Variants in PSIP1 observed in about 807,000 individuals in gnomAD.
PSIP1 encodes PC4 and SFRS1-interacting protein.
In PSIP1, 19 loss-of-function variants were observed where a neutral mutation model predicts 74.7. That is an observed-to-expected ratio of 0.25 (90% confidence interval 0.18 to 0.37). PSIP1 has a LOEUF of 0.37. Ranked by LOEUF, PSIP1 falls within the 10% of genes least tolerant of loss-of-function variation. PSIP1 has a pLI of 1.00. For missense variants in PSIP1, 601 were observed against 614.3 expected (o/e 0.98, Z 0.23); for synonymous variants, 222 against 195.3 (o/e 1.14, Z -1.14).
rs2035733403 is a variant in PSIP1, at chr9:15,468,859, A to G, written c.1207-16T>C. 1.2e-6 allele frequency: 2 copies of G among 1,607,274 alleles called. No individual in the cohort carries two copies. The highest frequency in any genetic ancestry group is 1.3e-5 in the African/African-American group (1 of 74,854). On this transcript the variant is annotated splice_polypyrimidine_tract_variant and intron_variant, in intron 13 of 15. Transcript: ENST00000380733. ...ATCGCCGTATCTGAGAAAACAATAT[A>G]CATTCATCATAATTGTTTTCCTAAT...
chr9:15,497,499 A>C (rs771020661), intron 3 of PSIP1, among the ~76,000 whole-genome samples: 2 of 151,812 alleles, frequency 1.3e-5, no homozygotes, highest in Admixed American at 6.6e-5. Flanking sequence ...GCTACTTTTT[A>C]TATTTTTAGT....
At chr9:15,471,869 CA>C in intron 10 of PSIP1, 1 of 981,418 alleles carries the variant, frequency 1.0e-6, no homozygotes, top group Non-Finnish European at 1.2e-6. Context: ...AAAACAACAA[CA>C]AAAAAACAAA....
intron 6 of PSIP1, among the ~76,000 whole-genome samples, chr9:15,483,426 C>T (rs62571007): frequency 6.6e-5 from 10 of 150,874 alleles, no homozygotes; most frequent in Admixed American, 5.9e-4. Flanking sequence ...TCCCATCTCT[C>T]GTCTACACCA....
intron 2 of PSIP1, among the ~76,000 whole-genome samples, chr9:15,507,706 A>G (rs1433468876): frequency 6.6e-6 from 1 of 152,228 alleles, no homozygotes; most frequent in Middle Eastern, 3.2e-3. Flanking sequence ...ATAATTTCAA[A>G]AACACTTCAA....
chr9:15,488,342 C>A (rs907417975), intron 4 of PSIP1, among the ~76,000 whole-genome samples: 24 of 151,840 alleles, frequency 1.6e-4, no homozygotes, highest in Non-Finnish European at 1.5e-5. Flanking sequence ...ACAACAACAA[C>A]AAAAAAAAGA....
In PSIP1 at chr9:15,469,011, C is replaced by A. The variant is rs775666819; in HGVS notation, c.1152G>T (p.Gln384His). 4.6e-5 allele frequency: 75 copies of A among 1,613,686 alleles called. No individual in the cohort carries two copies. The highest frequency in any genetic ancestry group is 6.1e-5 in the Non-Finnish European group (72 of 1,179,928). ...IEALDELASLQVTMQQAQKHT... is the reference protein window; with the variant it reads ...IEALDELASLHVTMQQAQKHT... ...GTTTCTGAGCTTGTTGCATTGTGAC[C>A]TGAAGTGAAGCAAGTTCATCCAAGG... Residue 384 changes from glutamine (Q) to histidine (H), a missense_variant, in exon 13 of 16, where the codon CAG becomes CAT. Physicochemically the swap from Gln to His is conservative, Grantham distance 24 (BLOSUM62 0). Around this residue, in one of 2 missense-constraint regions of PSIP1, gnomAD observed 538 missense variants for 507.6 expected, o/e 1.06. Transcript: ENST00000380733.
intron 3 of PSIP1, among the ~76,000 whole-genome samples, chr9:15,496,974 G>T (rs1051194717): frequency 6.6e-5 from 10 of 152,108 alleles, no homozygotes; most frequent in African/African-American, 2.2e-4. Context: ...ATTGCTGGTG[G>T]GAATGTTAAA....
Position 15,469,000 on chromosome 9 carries a change from T to G in PSIP1, c.1163A>C (p.Gln388Pro), listed in dbSNP as rs766032094. 1 of 1,614,040 alleles carries G rather than the reference T, an allele frequency of 6.2e-7. No individual in the cohort carries two copies. Among genetic ancestry groups the G allele is most frequent in the Non-Finnish European group, 8.5e-7 (1 of 1,179,972 alleles). Residue 388 changes from glutamine to proline, a missense_variant, in exon 13 of 16, where the codon CAA becomes CCA. By Grantham distance (76) the Gln-to-Pro change is moderately conservative. Transcript: ENST00000380733. Reference sequence around the variant, plus strand: ...CATCTCTGTGTGTTTCTGAGCTTGTTGCATTGTGACCTGAAGTGAAGCAAG... The same window carrying G: ...CATCTCTGTGTGTTTCTGAGCTTGTGGCATTGTGACCTGAAGTGAAGCAAG... ...DELASLQVTMQQAQKHTEMIT... is the reference protein window; with the variant it reads ...DELASLQVTMPQAQKHTEMIT...
chr9:15,491,946 G>A (rs934774705), intron 3 of PSIP1: 6 of 152,264 alleles, frequency 3.9e-5, no homozygotes, highest in Middle Eastern at 6.8e-3. Flanking sequence ...AACAACATGG[G>A]GGAAACCACC....
At chr9:15,480,330 A>G (rs2036281746) in intron 6 of PSIP1, among the ~76,000 whole-genome samples, 1 of 152,258 alleles carries the variant, frequency 6.6e-6, no homozygotes, top group South Asian at 2.1e-4. Flanking sequence ...AGAAAGACCA[A>G]AGGAGGAGAT....
chr9:15,485,949 C>G, intron 6 of PSIP1, 57 bp downstream of exon 6: 1 of 1,438,160 alleles, frequency 7.0e-7, no homozygotes, highest in Admixed American at 1.9e-5. Context: ...CTCCCTCAAC[C>G]CAATTAAAAT....
chr9:15,498,021 C>T (rs1308987639), intron 3 of PSIP1, among the ~76,000 whole-genome samples: 5 of 152,076 alleles, frequency 3.3e-5, no homozygotes, highest in Admixed American at 3.3e-4. Flanking sequence ...TATTGTTGGG[C>T]CATTTTCCAT....
At chr9:15,475,034 G>A (rs116641253) in intron 8 of PSIP1, among the ~76,000 whole-genome samples, 250 of 152,226 alleles carry the variant, frequency 1.6e-3, no homozygotes, top group African/African-American at 5.6e-3. Flanking sequence ...AGAAAATGAT[G>A]ATGCAAAAGG....
In PSIP1 at chr9:15,464,864, A is replaced by AAATT. The variant is rs1317480477; in HGVS notation, c.*652_*655dup. The AAATT allele has an allele frequency of 1.9e-5, 4 of 210,498 alleles. No homozygotes were observed. Among genetic ancestry groups the AAATT allele is most frequent in the Admixed American group, 1.2e-4 (2 of 17,010 alleles). The allele number at this position is 210,498 out of a possible 1,614,324, so 13.0% of individuals were successfully genotyped here. ...AGCCACAAAACTAAATTACCTTCAA[A>AAATT]AATTAATGTTTTATAGTTTGTAGAA... is the stretch of plus-strand genomic sequence containing the variant. On this transcript the variant is annotated 3_prime_UTR_variant, in exon 16 of 16. Transcript: ENST00000380733.
rs1217825663 is a variant in PSIP1 at position 15,506,701 on chromosome 9, T to A, written c.73-64A>T. On this transcript the variant is annotated intron_variant, in intron 2 of 15. Coordinates refer to ENST00000380733, the MANE Select transcript of PSIP1 (RefSeq NM_033222.5). ...ATACACACCTCAACATTTATCTGAA[T>A]AAACAAGAGCACAACATCCAAAAGG... The A allele has an allele frequency of 4.8e-6, 6 of 1,243,278 alleles. No individual in the cohort carries two copies. The East Asian group carries it at 1.4e-4, about 29-fold the overall frequency. The allele number at this position is 1,243,278 out of a possible 1,614,324, so 77.0% of individuals were successfully genotyped here.
At position 15,472,131 on chromosome 9, in the gene PSIP1, A is replaced by G. The variant is rs1167137685; in HGVS notation, c.977+501T>C. 3.0e-6 allele frequency: 3 copies of G among 984,220 alleles called. No individual in the cohort carries two copies. In the African/African-American group the frequency reaches 5.3e-5, roughly 17 times the overall value. The allele number at this position is 984,220 out of a possible 1,614,324, so 61.0% of individuals were successfully genotyped here. A position where few individuals can be genotyped will look rare whatever the true frequency, so the allele number is the denominator to read the frequency against. The stretch of plus-strand genomic sequence containing the variant: ...GAAAACAGCTTTGAATTTGATTTAT[A>G]TTGCACATACATAATAATGTACACC... On this transcript the variant is annotated intron_variant, in intron 10 of 15. Coordinates refer to ENST00000380733, the MANE Select transcript of PSIP1 (RefSeq NM_033222.5).
In PSIP1 at chr9:15,479,453, A is replaced by C. The variant is rs1587481525; in HGVS notation, c.553+138T>G. ...TTGAAACAGAGCACAAATCATGTTT[A>C]TCTCCTTTGAAATCTGTATGTTACA... On this transcript the variant is annotated intron_variant, in intron 7 of 15. Transcript: ENST00000380733. 9.0e-6 allele frequency: 5 copies of C among 558,456 alleles called. No individual in the cohort carries two copies. In the East Asian group the frequency reaches 1.6e-4, roughly 18 times the overall value. The allele number at this position is 558,456 out of a possible 1,614,324, so 34.6% of individuals were successfully genotyped here.
intron 14 of PSIP1, chr9:15,468,272 C>G: frequency 1.9e-6 from 1 of 523,744 alleles, no homozygotes; most frequent in African/African-American, 1.9e-5. Context: ...CTACTGTACG[C>G]TATTTTACTT....
In PSIP1 at chr9:15,486,019, C is replaced by T. The variant is rs372879993; in HGVS notation, c.443G>A (p.Gly148Glu). Residue 148 changes from glycine to glutamate, a missense_variant, in exon 6 of 16, where the codon GGG (glycine) becomes GAG (glutamate). Transcript: ENST00000380733. The stretch of plus-strand genomic sequence containing the variant: ...CAGTGAAATTACCTTTCTCTTTCTC[C>T]CCCTTCTGGCAGCTTTTGGAGTAGT... ...DITTPKAARR[G>E]RKRKAEKQVE... 4.4e-6 allele frequency: 7 copies of T among 1,608,602 alleles called. No individual in the cohort carries two copies. In the African/African-American group the frequency reaches 9.4e-5, roughly 22 times the overall value.
Sources: allele counts gnomAD v4.1 joint callset (sites outside exome capture counted in the v4.1 genomes callset), GRCh38; gene constraint gnomAD v4.1.1; regional missense constraint gnomAD v4.1.1; transcripts MANE v1.5; gene names NCBI Gene and HGNC (gene_info 2026-07-23, HGNC 2026-07-21).